PRUNE2: variants seen among roughly 807,000 people sequenced by gnomAD.
PRUNE2 encodes the protein prune homolog 2 with BCH domain, also known as protein prune homolog 2.
Under a neutral mutation model 252.0 loss-of-function variants are expected in PRUNE2, and 164 were observed. The observed-to-expected ratio is 0.65, with a 90% confidence interval of 0.57 to 0.74. The LOEUF is 0.74. PRUNE2 is among the 30% of genes least tolerant of loss of function. The pLI, the probability that PRUNE2 is intolerant of heterozygous loss-of-function variation, is 0.00. For missense variants in PRUNE2, 3,495 were observed against 3,711.0 expected (o/e 0.94, Z 1.51); for synonymous variants, 1,292 against 1,350.2 (o/e 0.96, Z 0.94).
intron 6 of PRUNE2, among the ~76,000 whole-genome samples, chr9:76,761,964 T>C (rs1489478700): frequency 6.6e-6 from 1 of 152,238 alleles, no homozygotes. Context: ...TCATGTATGG[T>C]CAAACAACTG....
chr9:76,620,670 G>A (rs1241314991), intron 17 of PRUNE2, among the ~76,000 whole-genome samples: 1 of 152,088 alleles, frequency 6.6e-6, no homozygotes, highest in Non-Finnish European at 1.5e-5. Flanking sequence ...CCTTCTTGCT[G>A]GTGGTCTGAT....
At chr9:76,685,983 C>T (rs943773918) in intron 9 of PRUNE2, among the ~76,000 whole-genome samples, 2 of 152,194 alleles carry the variant, frequency 1.3e-5, no homozygotes, top group Non-Finnish European at 2.9e-5. Flanking sequence ...GGTCATCCCG[C>T]TTACTTACAT....
chr9:76,899,581 T>C (rs748832689), intron 1 of PRUNE2, among the ~76,000 whole-genome samples: 13 of 152,184 alleles, frequency 8.5e-5, no homozygotes, highest in Non-Finnish European at 1.8e-4. Flanking sequence ...CTCTTGCCTT[T>C]AGGGTTTATT....
intron 9 of PRUNE2, among the ~76,000 whole-genome samples, chr9:76,693,532 C>T (rs958588944): frequency 1.3e-5 from 2 of 148,280 alleles, no homozygotes; most frequent in Admixed American, 6.8e-5. Context: ...CAACCTCTGC[C>T]TCCCAGGTTC....
chr9:76,815,704 C>T (rs2057648714), intron 6 of PRUNE2, among the ~76,000 whole-genome samples: 1 of 152,100 alleles, frequency 6.6e-6, no homozygotes, highest in Non-Finnish European at 1.5e-5. Context: ...AGGTATTTTG[C>T]ACCACTTAGG....
At chr9:76,816,076 C>T (rs1447253398) in intron 6 of PRUNE2, among the ~76,000 whole-genome samples, 5 of 150,380 alleles carry the variant, frequency 3.3e-5, no homozygotes, top group South Asian at 4.2e-4. Context: ...GCAGGAGAAT[C>T]ACTTAAACCT....
At chr9:76,676,563 G>A (rs975542117) in intron 9 of PRUNE2, among the ~76,000 whole-genome samples, 15 of 152,058 alleles carry the variant, frequency 9.9e-5, no homozygotes, top group African/African-American at 2.2e-4. Flanking sequence ...GTACAGGGGC[G>A]AAAGGAATTC....
Position 76,823,612 on chromosome 9 carries a change from A to T in PRUNE2, c.756+20T>A, listed in dbSNP as rs1259982383. The T allele has an allele frequency of 1.4e-6, 2 of 1,435,212 alleles. No homozygotes were observed. Among genetic ancestry groups the T allele is most frequent in the Non-Finnish European group, 2.0e-6 (2 of 1,017,140 alleles). 88.9% of individuals were successfully genotyped at this position (1,435,212 alleles called of 1,614,324 possible). The stretch of plus-strand genomic sequence containing the variant: ...ATTGTGGGAAATCAATCAATGCTAA[A>T]AAAGCATTCCCACCCTTACCTCAAG... On this transcript the variant is annotated intron_variant, in intron 6 of 18. Coordinates refer to ENST00000376718, the MANE Select transcript of PRUNE2 (RefSeq NM_015225.3).
intron 6 of PRUNE2, among the ~76,000 whole-genome samples, chr9:76,816,359 A>G (rs2057695380): frequency 6.6e-6 from 1 of 152,140 alleles, no homozygotes; most frequent in Non-Finnish European, 1.5e-5. Flanking sequence ...CATTCTTTAC[A>G]CAGGGATTTT....
intron 6 of PRUNE2, among the ~76,000 whole-genome samples, chr9:76,794,631 G>A (rs796532611): frequency 0.034 from 4,913 of 142,648 alleles, 352 homozygotes; most frequent in African/African-American, 0.12. Flanking sequence ...AAAAAAAAAA[G>A]AAAAGAAAAG....
At chr9:76,797,492 G>A (rs1220478898) in intron 6 of PRUNE2, among the ~76,000 whole-genome samples, 1 of 152,088 alleles carries the variant, frequency 6.6e-6, no homozygotes, top group African/African-American at 2.4e-5. Flanking sequence ...AAGAAAACTA[G>A]ATAGTTATTA....
intron 6 of PRUNE2, among the ~76,000 whole-genome samples, chr9:76,807,309 G>C (rs970695438): frequency 7.9e-5 from 12 of 152,094 alleles, no homozygotes; most frequent in Admixed American, 6.6e-5. Flanking sequence ...CTGGTCTCAA[G>C]TGATCCTTCC....
chr9:76,892,065 C>G (rs1377853822), intron 1 of PRUNE2, among the ~76,000 whole-genome samples: 1 of 151,660 alleles, frequency 6.6e-6, no homozygotes, highest in Non-Finnish European at 1.5e-5. Flanking sequence ...AGAAAGTAGC[C>G]CCCCCAGCCA....
rs749012318 is a variant in PRUNE2, at chr9:76,905,940, G to A, written c.24C>T (p.Ala8=). Residue 8 remains alanine (A), a synonymous_variant, in exon 1 of 19, where the codon GCC becomes GCT. Coordinates refer to ENST00000376718, the MANE Select transcript of PRUNE2 (RefSeq NM_015225.3). The part of the protein sequence containing the change: MEEFLQR[A]KSKLNRSKRL... ...TCACTCAACTTACCAGTTTAGATTT[G>A]GCGCGTTGCAAAAATTCTTCCATGT... 2.9e-5 allele frequency: 47 copies of A among 1,614,038 alleles called. No individual in the cohort carries two copies. In the East Asian group the frequency reaches 1.0e-3, roughly 34 times the overall value.
chr9:76,765,477 G>C (rs2052246759), intron 6 of PRUNE2, among the ~76,000 whole-genome samples: 1 of 152,186 alleles, frequency 6.6e-6, no homozygotes, highest in Admixed American at 6.5e-5. Context: ...AGGTAAGGAA[G>C]GCATACAGAA....
At chr9:76,633,860 A>G (rs1838807076) in intron 15 of PRUNE2, among the ~76,000 whole-genome samples, 1 of 152,204 alleles carries the variant, frequency 6.6e-6, no homozygotes, top group African/African-American at 2.4e-5. Flanking sequence ...TCATGCCTGT[A>G]ATCTCAGCAC....
chr9:76,676,077 C>CAAACACAAA (rs2042516212), intron 9 of PRUNE2, among the ~76,000 whole-genome samples: 5 of 147,998 alleles, frequency 3.4e-5, no homozygotes. Flanking sequence ...AAAAAAAAAC[C>CAAACACAAA]AAAAACAAAA....
At chr9:76,767,132 T>C (rs756829194) in intron 6 of PRUNE2, among the ~76,000 whole-genome samples, 3 of 152,192 alleles carry the variant, frequency 2.0e-5, no homozygotes, top group East Asian at 1.9e-4. Context: ...GAAACTATTG[T>C]TGGCAGTCAC....
chr9:76,799,919 G>C (rs1391702630), intron 6 of PRUNE2, among the ~76,000 whole-genome samples: 1 of 152,126 alleles, frequency 6.6e-6, no homozygotes, highest in Admixed American at 6.5e-5. Context: ...GATAGAAAAA[G>C]AGGCTGTGAG....
Sources: allele counts gnomAD v4.1 joint callset (sites outside exome capture counted in the v4.1 genomes callset), GRCh38; gene constraint gnomAD v4.1.1; transcripts MANE v1.5; gene names NCBI Gene and HGNC (gene_info 2026-07-23, HGNC 2026-07-21).